TBC1D16: variants seen among roughly 807,000 people sequenced by gnomAD.
TBC1D16 encodes TBC1 domain family member 16.
In TBC1D16, 58 loss-of-function variants were observed where a neutral mutation model predicts 74.7. That is an observed-to-expected ratio of 0.78 (90% CI 0.63 to 0.97). The LOEUF (loss-of-function observed/expected upper bound fraction) is 0.97, where lower values mean the gene tolerates loss of function less well. Ranked by LOEUF, TBC1D16 falls within the 50% of genes least tolerant of loss-of-function variation. The pLI is 0.00. For missense variants in TBC1D16, 1,014 were observed against 1,079.5 expected (o/e 0.94, Z 0.85); for synonymous variants, 493 against 474.7 (o/e 1.04, Z -0.50).
chr17:80,015,751 C>T (rs931342891), intron 1 of TBC1D16, among the ~76,000 whole-genome samples: 32 of 152,040 alleles, frequency 2.1e-4, no homozygotes, highest in African/African-American at 7.0e-4. Flanking sequence ...TGGCTCACAC[C>T]TGTAATCCCA....
Position 79,951,543 on chromosome 17 carries a change from G to A in TBC1D16, c.996C>T (p.Tyr332=). 6.2e-7 allele frequency: 1 copy of A among 1,614,104 alleles called. No individual in the cohort carries two copies. The highest frequency in any genetic ancestry group is 1.1e-5 in the South Asian group (1 of 91,076). ...QLVVASRESQ[Y]KVFHFHHGGL... is the part of the protein sequence containing the mutation. The stretch of plus-strand genomic sequence containing the variant: ...CGCCGTGGTGGAAGTGGAAAACCTT[G>A]TACTGGCTCTCTCGGCTGGCAACGA... Residue 332 remains tyrosine, a synonymous_variant, in exon 5 of 12, where the codon TAC becomes TAT. Coordinates refer to ENST00000310924, the MANE Select transcript of TBC1D16 (RefSeq NM_019020.4).
rs1048058015 is a variant in TBC1D16 at position 79,987,930 on chromosome 17, G to A, written c.779+22230C>T. Among the ~76,000 whole-genome samples the A allele has an allele frequency of 2.6e-5, 4 of 151,998 alleles. No individual in the cohort carries two copies. The highest frequency in any genetic ancestry group is 4.4e-5 in the Non-Finnish European group (3 of 68,004). On this transcript the variant is annotated intron_variant, in intron 3 of 11. Transcript: ENST00000310924. The surrounding 1 kb of genome is among the most constrained non-coding windows in gnomAD (Gnocchi z 5.2). The stretch of plus-strand genomic sequence containing the variant: ...CTCAGAAAAACCCTCCGAGGCTCTC[G>A]GATTTTACGCCTGCATGAGATTTCG...
intron 3 of TBC1D16, among the ~76,000 whole-genome samples, chr17:79,982,266 C>A (rs1338128662): frequency 6.6e-6 from 1 of 151,630 alleles, no homozygotes; most frequent in African/African-American, 2.4e-5. Context: ...CCTGCCTCAG[C>A]CTCCTGAGTA....
In TBC1D16 at chr17:79,994,798, CAT is replaced by C. The variant is rs1366167646; in HGVS notation, c.779+15360_779+15361del. Among the ~76,000 whole-genome samples the C allele has an allele frequency of 2.0e-5, 3 of 152,304 alleles. No individual in the cohort carries two copies. The highest frequency in any genetic ancestry group is 2.1e-4 in the South Asian group (1 of 4,826). On this transcript the variant is annotated intron_variant, in intron 3 of 11. Transcript: ENST00000310924. The surrounding 1 kb of genome is among the most constrained non-coding windows in gnomAD (Gnocchi z 4.6). ...TGGCCAAGGCAGTGACCCCAAGCCA[CAT>C]GTGGCATCACACTTGAGACGTGGTC...
chr17:80,028,541 G>GA (rs1018689901), intron 1 of TBC1D16, among the ~76,000 whole-genome samples: 1 of 148,882 alleles, frequency 6.7e-6, no homozygotes, highest in Non-Finnish European at 1.5e-5. Context: ...AAAAGAAAAA[G>GA]AAAAAAAAGA....
rs763726784 is a variant in TBC1D16, at chr17:80,010,587, T to G, written c.352A>C (p.Ser118Arg). ...GAGGGCTGGTGGGAGGCTCCTGAGC[T>G]CCGGGTGCGCCGGCCCCGAGGGCGG... Reference protein sequence around the residue: ...APRPRGRRTRSSGASHQPSPT... With the variant: ...APRPRGRRTRRSGASHQPSPT... The change falls in exon 3 of 12, where the codon AGC (serine) becomes CGC (arginine). Residue 118 changes from serine to arginine, a missense_variant. By Grantham distance (110) the Ser-to-Arg change is moderately radical (BLOSUM62 -1). Coordinates refer to ENST00000310924, the MANE Select transcript of TBC1D16 (RefSeq NM_019020.4). The surrounding 1 kb of genome is among the most constrained non-coding windows in gnomAD (Gnocchi z 8.8). The G allele has an allele frequency of 1.7e-5, 27 of 1,592,428 alleles. No homozygotes were observed. The highest frequency in any genetic ancestry group is 2.2e-5 in the Non-Finnish European group (26 of 1,171,846).
At chr17:79,992,194 C>T (rs1451269912) in intron 3 of TBC1D16, 1 of 152,352 alleles carries the variant, frequency 6.6e-6, no homozygotes, top group Non-Finnish European at 1.5e-5. Context: ...GGAGGCGGCC[C>T]CTCCCCGGGG....
intron 1 of TBC1D16, among the ~76,000 whole-genome samples, chr17:80,028,688 A>G (rs1194503236): frequency 6.6e-6 from 1 of 150,964 alleles, no homozygotes; most frequent in Non-Finnish European, 1.5e-5. Flanking sequence ...CAGTGGCGCA[A>G]TCTAAGGTCA....
rs916611897 is a variant in TBC1D16, at chr17:79,975,785, T to A, written c.780-22967A>T. The stretch of plus-strand genomic sequence containing the variant: ...CTTAGTACAATACAAATTCAGGCAA[T>A]GCCTGCGTCTGCCCACACCTGCAGA... On this transcript the variant is annotated intron_variant, in intron 3 of 11. Coordinates refer to ENST00000310924, the MANE Select transcript of TBC1D16 (RefSeq NM_019020.4). The surrounding 1 kb of genome is among the most constrained non-coding windows in gnomAD (Gnocchi z 4.5). 1.3e-5 allele frequency among the ~76,000 whole-genome samples: 2 copies of A among 152,172 alleles called. No individual in the cohort carries two copies. The highest frequency in any genetic ancestry group is 2.4e-5 in the African/African-American group (1 of 41,460).
intron 1 of TBC1D16, among the ~76,000 whole-genome samples, chr17:80,015,483 T>C (rs1253166346): frequency 6.6e-6 from 1 of 152,054 alleles, no homozygotes; most frequent in Non-Finnish European, 1.5e-5. Context: ...AGAGCCACGC[T>C]GCATCCTGAT....
rs1038040554 is a variant in TBC1D16 at position 79,985,726 on chromosome 17, T to C, written c.779+24434A>G. Among the ~76,000 whole-genome samples, 3 of 152,232 alleles carry C rather than the reference T, an allele frequency of 2.0e-5. No homozygotes were observed. Among genetic ancestry groups the C allele is most frequent in the Admixed American group, 2.0e-4 (3 of 15,286 alleles). On this transcript the variant is annotated intron_variant, in intron 3 of 11. Transcript: ENST00000310924. The surrounding 1 kb of genome is among the most constrained non-coding windows in gnomAD (Gnocchi z 4.9). The stretch of plus-strand genomic sequence containing the variant: ...TTTAGTAGCTAATTAACTTTCTGTG[T>C]GAAGACCTCTCTAATTGCGCACACT...
intron 9 of TBC1D16, 71 bp from the exon 10 acceptor site, chr17:79,945,158 C>T: frequency 6.8e-7 from 1 of 1,463,056 alleles, no homozygotes; most frequent in Non-Finnish European, 9.1e-7. Context: ...AGCCCACTCC[C>T]ACTGGGGCCC....
Position 80,009,287 on chromosome 17 carries a change from G to A in TBC1D16, c.779+873C>T, listed in dbSNP as rs1400743289. Among the ~76,000 whole-genome samples the A allele has an allele frequency of 2.0e-5, 3 of 152,202 alleles. No individual in the cohort carries two copies. Among genetic ancestry groups the A allele is most frequent in the Non-Finnish European group, 4.4e-5 (3 of 68,030 alleles). On this transcript the variant is annotated intron_variant, in intron 3 of 11. Coordinates refer to ENST00000310924, the MANE Select transcript of TBC1D16 (RefSeq NM_019020.4). The surrounding 1 kb of genome is among the most constrained non-coding windows in gnomAD (Gnocchi z 5.4). ...TGCCCAGAAATCTAATGAGCGTAAGGACCACAGCCGGGGCATAGGAAGGGG... is the reference window on the plus strand; with the variant it reads ...TGCCCAGAAATCTAATGAGCGTAAGAACCACAGCCGGGGCATAGGAAGGGG...
At chr17:79,984,369 C>T (rs1282544799) in intron 3 of TBC1D16, among the ~76,000 whole-genome samples, 1 of 151,950 alleles carries the variant, frequency 6.6e-6, no homozygotes, top group Non-Finnish European at 1.5e-5. Context: ...CTGTCTACAA[C>T]TCTGTAAAAT....
chr17:79,991,736 G>C (rs1269299758), intron 3 of TBC1D16, among the ~76,000 whole-genome samples: 1 of 151,340 alleles, frequency 6.6e-6, no homozygotes, highest in Non-Finnish European at 1.5e-5. Context: ...GGGAGGGCGG[G>C]GGCGTGCACC....
chr17:80,014,321 C>A (rs2036011894), intron 1 of TBC1D16, among the ~76,000 whole-genome samples: 1 of 152,032 alleles, frequency 6.6e-6, no homozygotes, highest in African/African-American at 2.4e-5. Context: ...CACATCACTG[C>A]ACTCCAGCCT....
At chr17:79,963,267 C>T (rs1487768902) in intron 3 of TBC1D16, among the ~76,000 whole-genome samples, 1 of 151,586 alleles carries the variant, frequency 6.6e-6, no homozygotes, top group Non-Finnish European at 1.5e-5. Flanking sequence ...TCCCCCCTCA[C>T]ACTCCAAGCA....
In TBC1D16 at chr17:80,010,189, G is replaced by A. The variant is rs149833287; in HGVS notation, c.750C>T (p.Arg250=). The change falls in exon 3 of 12, where the codon CGC becomes CGT. Residue 250 remains arginine (R), a synonymous_variant. Transcript: ENST00000310924. This position sits in a 1 kb window ranked among gnomAD's most constrained non-coding sequence, Gnocchi z 8.8. ...TGTCACTTTCCAGAAACACGGAGCC[G>A]CGGCTCTCGGCCAGCGCCGCGCTGA... ...SPISAALAES[R]GSVFLESDSS... 1,178 of 1,611,864 alleles carry A rather than the reference G, an allele frequency of 7.3e-4. 12 individuals are homozygous for A. In the African/African-American group the frequency reaches 0.014, roughly 19 times the overall value.
Position 80,009,227 on chromosome 17 carries a change from G to A in TBC1D16, c.779+933C>T, listed in dbSNP as rs535775859. Among the ~76,000 whole-genome samples, 33 of 152,336 alleles carry A rather than the reference G, an allele frequency of 2.2e-4. No individual in the cohort carries two copies. The highest frequency in any genetic ancestry group is 7.5e-4 in the African/African-American group (31 of 41,582). On this transcript the variant is annotated intron_variant, in intron 3 of 11. Coordinates refer to ENST00000310924, the MANE Select transcript of TBC1D16 (RefSeq NM_019020.4). The surrounding 1 kb of genome is among the most constrained non-coding windows in gnomAD (Gnocchi z 5.4). ...AATGACCTGCTCGCTGACTGATGTC[G>A]GCTCTTACTGTTGTCTGTGGTCACC...
Sources: gnomAD v4.1 joint callset for allele counts (sites outside exome capture counted in the v4.1 genomes callset) on GRCh38, gnomAD v4.1.1 for gene constraint, Gnocchi (gnomAD v3.1) non-coding constraint, MANE v1.5 for transcripts, NCBI Gene and HGNC (gene_info 2026-07-23, HGNC 2026-07-21) for gene names.